The following UBTD1 variants were observed in gnomAD, a reference collection of about 807,000 sequenced individuals.
UBTD1 encodes ubiquitin domain-containing protein 1.
A neutral mutation model predicts 21.7 loss-of-function variants in UBTD1; 19 were observed. The observed-to-expected ratio is 0.87, with a 90% CI of 0.61 to 1.28. The LOEUF (loss-of-function observed/expected upper bound fraction) is 1.28, where lower values mean the gene tolerates loss of function less well. Among genes scored for constraint, UBTD1 ranks in the 50% most tolerant of loss-of-function variants. The pLI is 0.00. For synonymous variants in UBTD1, 116 were observed against 135.1 expected, an observed-to-expected ratio of 0.86 and a Z score of 0.98; for missense variants, 282 against 315.1, an observed-to-expected ratio of 0.89 and a Z score of 0.80.
intron 1 of UBTD1, among the ~76,000 whole-genome samples, chr10:97,537,410 C>T (rs2135673070): frequency 6.6e-6 from 1 of 152,318 alleles, no homozygotes; most frequent in Non-Finnish European, 1.5e-5. Flanking sequence ...GAGCAGGGGC[C>T]AGCGACCTGC....
chr10:97,533,936 A>G (rs2040546494), intron 1 of UBTD1, among the ~76,000 whole-genome samples: 1 of 149,964 alleles, frequency 6.7e-6, no homozygotes, highest in South Asian at 2.1e-4. Flanking sequence ...AAAAAAAAAA[A>G]AAAAATCTTA....
intron 1 of UBTD1, among the ~76,000 whole-genome samples, chr10:97,514,798 T>C (rs1385246374): frequency 6.6e-6 from 1 of 152,168 alleles, no homozygotes; most frequent in Non-Finnish European, 1.5e-5. Context: ...AAGCTTACAA[T>C]GTAGCTTGAT....
chr10:97,537,674 C>T lies in UBTD1; in HGVS notation c.71-30240C>T, dbSNP rs532309479. Reference sequence around the variant, plus strand: ...TCCCACCTGGGCCCTCCCAGCCAGCCGGAGCCTATTTCCAGAGTCCTTGTC... The same window carrying T: ...TCCCACCTGGGCCCTCCCAGCCAGCTGGAGCCTATTTCCAGAGTCCTTGTC... On this transcript the variant is annotated intron_variant, in intron 1 of 2. Transcript: ENST00000370664. 4.1e-3 allele frequency among the ~76,000 whole-genome samples: 623 copies of T among 152,240 alleles called. 2 individuals carry two copies. The highest frequency in any genetic ancestry group is 6.8e-3 in the Non-Finnish European group (462 of 68,010).
In UBTD1 at chr10:97,568,249, A is replaced by G. The variant is rs182151085; in HGVS notation, c.298+108A>G. 2.5e-4 allele frequency: 283 copies of G among 1,123,238 alleles called. 1 individual carries two copies. The African/African-American group carries it at 3.8e-3, about 15-fold the overall frequency. The allele number at this position is 1,123,238 out of a possible 1,614,324, so 69.6% of individuals were successfully genotyped here. A position where few individuals can be genotyped will look rare whatever the true frequency, so the allele number is the denominator to read the frequency against. On this transcript the variant is annotated intron_variant, in intron 2 of 2. Transcript: ENST00000370664. Reference sequence around the variant, plus strand: ...CGGTGGGGCAGGTGGTTACTCACGTATTCATTCATTCAAGCACCCCTTACT... The same window carrying G: ...CGGTGGGGCAGGTGGTTACTCACGTGTTCATTCATTCAAGCACCCCTTACT...
At position 97,535,542 on chromosome 10, in the gene UBTD1, G is replaced by C. The variant is rs536368250; in HGVS notation, c.71-32372G>C. Among the ~76,000 whole-genome samples the C allele has an allele frequency of 9.6e-4, 146 of 152,294 alleles. 2 individuals are homozygous for C. In the South Asian group the frequency reaches 0.019, roughly 20 times the overall value. ...AGGCAGGAGAATCGCTTGAACCCAG[G>C]AGGCGGAGGTTGCAGTGAGCAGACA... On this transcript the variant is annotated intron_variant, in intron 1 of 2. Transcript: ENST00000370664.
rs2040739355 is a variant in UBTD1, at chr10:97,570,266, C to T, written c.427C>T (p.Pro143Ser). The change falls in exon 3 of 3, where the codon CCC becomes TCC. Residue 143 changes from proline to serine, a missense_variant. Physicochemically the swap from Pro to Ser is moderately conservative, Grantham distance 74. Transcript: ENST00000370664. The surrounding 1 kb of genome is among the most constrained non-coding windows in gnomAD (Gnocchi z 6.6). ...EESLEPPEPP[P>S]SVRREFPLKV... ...GAGCCTGGAGCCCCCCGAGCCTCCA[C>T]CCAGCGTGCGCCGTGAGTTCCCGCT... The T allele has an allele frequency of 2.5e-6, 4 of 1,613,270 alleles. No homozygotes were observed. The highest frequency in any genetic ancestry group is 1.1e-5 in the South Asian group (1 of 91,076).
intron 1 of UBTD1, among the ~76,000 whole-genome samples, chr10:97,551,432 C>T (rs146867624): frequency 1.8e-4 from 28 of 152,156 alleles, no homozygotes; most frequent in African/African-American, 5.8e-4. Context: ...AGCACAATTG[C>T]GGAAACGCAT....
intron 1 of UBTD1, among the ~76,000 whole-genome samples, chr10:97,560,914 C>CTCTGGATATAAAACAATATGAG (rs1564744610): frequency 8.8e-6 from 1 of 113,316 alleles, no homozygotes; most frequent in Non-Finnish European, 2.2e-5. Context: ...TCCAGAAATC[C>CTCTGGATATAAAACAATATGAG]AAGCCAGGTC....
intron 1 of UBTD1, among the ~76,000 whole-genome samples, chr10:97,534,577 GCGCACACACACACACACA>G (rs920134652): frequency 2.3e-5 from 2 of 88,420 alleles, no homozygotes; most frequent in Non-Finnish European, 6.3e-5. Context: ...ACACGCGCGC[GCGCACACACACACACACA>G]CACACACACA....
rs370697000 is a variant in UBTD1, at chr10:97,528,744, G to A, written c.70+29471G>A. Among the ~76,000 whole-genome samples, 271 of 96,052 alleles carry A rather than the reference G, an allele frequency of 2.8e-3. 6 individuals are homozygous for A. The highest frequency in any genetic ancestry group is 0.023 in the East Asian group (57 of 2,494). 63.0% of individuals were successfully genotyped at this position (96,052 alleles called of 152,430 possible). On this transcript the variant is annotated intron_variant, in intron 1 of 2. Transcript: ENST00000370664. ...GGCTGACCCCCCCCACCTCCCTCCC[G>A]GACGGGGCGGCTGGCCGGGCGGGGG... is the stretch of plus-strand genomic sequence containing the variant.
intron 1 of UBTD1, among the ~76,000 whole-genome samples, chr10:97,528,503 G>A (rs1324877598): frequency 1.2e-5 from 1 of 85,102 alleles, no homozygotes; most frequent in East Asian, 4.2e-4. Context: ...CCTCCCGGAC[G>A]GGGCGGCTGG....
At chr10:97,552,058 C>T (rs1589881029) in intron 1 of UBTD1, among the ~76,000 whole-genome samples, 1 of 151,858 alleles carries the variant, frequency 6.6e-6, no homozygotes, top group Admixed American at 6.6e-5. Context: ...GTTATAGGTG[C>T]GAGCCACTGT....
At chr10:97,529,284 G>T (rs1328973940) in intron 1 of UBTD1, among the ~76,000 whole-genome samples, 1 of 151,064 alleles carries the variant, frequency 6.6e-6, no homozygotes, top group Non-Finnish European at 1.5e-5. Context: ...TCCAGACTGG[G>T]CAGCCAGGCA....
intron 1 of UBTD1, among the ~76,000 whole-genome samples, chr10:97,499,787 T>A (rs1337840525): frequency 6.6e-6 from 1 of 152,200 alleles, no homozygotes; most frequent in Admixed American, 6.5e-5. Context: ...AAGAAATCTT[T>A]ATTTTTCCCG....
At chr10:97,533,175 G>A (rs538227296) in intron 1 of UBTD1, among the ~76,000 whole-genome samples, 430 of 88,870 alleles carry the variant, frequency 4.8e-3, no homozygotes, top group Middle Eastern at 0.018. Flanking sequence ...GAAACTGAGA[G>A]GATGCCTTTT....
At position 97,511,322 on chromosome 10, in the gene UBTD1, G is replaced by A. The variant is rs892507211; in HGVS notation, c.70+12049G>A. On this transcript the variant is annotated intron_variant, in intron 1 of 2. Transcript: ENST00000370664. ...AGAGGTTCAGTGATGTTAACTGTGT[G>A]TCTTGAGGGGGTGGGGGTACACACA... is the stretch of plus-strand genomic sequence containing the variant. Among the ~76,000 whole-genome samples the A allele has an allele frequency of 1.3e-4, 20 of 152,226 alleles. No individual in the cohort carries two copies. In the East Asian group the frequency reaches 3.9e-3, roughly 29 times the overall value.
chr10:97,567,779 T>G, intron 1 of UBTD1, 135 bp from the exon 2 acceptor site: 2 of 800,754 alleles, frequency 2.5e-6, no homozygotes, highest in Non-Finnish European at 4.0e-6. Context: ...TAGGAAGGGC[T>G]TCAAAGACCT....
chr10:97,536,695 G>A (rs750357751), intron 1 of UBTD1, among the ~76,000 whole-genome samples: 3 of 152,124 alleles, frequency 2.0e-5, no homozygotes, highest in Non-Finnish European at 2.9e-5. Flanking sequence ...ACTCCAGGCC[G>A]TAGATGCTTC....
intron 1 of UBTD1, 139 bp downstream of exon 1, chr10:97,499,412 G>C: frequency 5.2e-6 from 6 of 1,154,320 alleles, no homozygotes; most frequent in Non-Finnish European, 7.0e-6. Flanking sequence ...CAGCCAGAGG[G>C]GGCCGCTCCC....
Sources: allele counts gnomAD v4.1 joint callset (sites outside exome capture counted in the v4.1 genomes callset), GRCh38; gene constraint gnomAD v4.1.1; non-coding constraint Gnocchi (gnomAD v3.1); transcripts MANE v1.5; gene names NCBI Gene and HGNC (gene_info 2026-07-23, HGNC 2026-07-21).